AP2S1: variants seen among roughly 807,000 people sequenced by gnomAD.
The protein encoded by AP2S1 is AP-2 complex subunit sigma.
In AP2S1, 6 loss-of-function variants were observed where a neutral mutation model predicts 21.0. That is an observed-to-expected ratio of 0.29 (90% confidence interval 0.16 to 0.56). The LOEUF (loss-of-function observed/expected upper bound fraction) is 0.56. Ranked by LOEUF, AP2S1 falls within the 20% of genes least tolerant of loss-of-function variation. AP2S1 has a pLI of 0.92. For missense variants in AP2S1, 60 were observed against 186.2 expected (o/e 0.32, Z 3.95); for synonymous variants, 63 against 74.6 (o/e 0.84, Z 0.80).
intron 2 of AP2S1, among the ~76,000 whole-genome samples, chr19:46,845,381 G>A (rs772813645): frequency 6.6e-6 from 1 of 151,838 alleles, no homozygotes; most frequent in African/African-American, 2.4e-5. Flanking sequence ...ACTCCAGCCT[G>A]GGTGACAGAG....
In AP2S1 at chr19:46,838,685, T is replaced by C. The variant is rs532162280; in HGVS notation, c.327+55A>G. ...CTCCGGGTGGCTAGTGCACCACGGGTCCCCCCCGTCCCCCTCCTCTGGCTC... is the reference window on the plus strand; with the variant it reads ...CTCCGGGTGGCTAGTGCACCACGGGCCCCCCCCGTCCCCCTCCTCTGGCTC... On this transcript the variant is annotated intron_variant, in intron 4 of 4. Transcript: ENST00000263270. This position sits in a 1 kb window ranked among gnomAD's most constrained non-coding sequence, Gnocchi z 4.1. The C allele has an allele frequency of 1.7e-4, 271 of 1,596,368 alleles. 1 individual carries two copies. The South Asian group carries it at 2.6e-3, about 15-fold the overall frequency.
chr19:46,844,599 A>G (rs2055586977), intron 2 of AP2S1, among the ~76,000 whole-genome samples: 1 of 151,688 alleles, frequency 6.6e-6, no homozygotes, highest in African/African-American at 2.4e-5. Flanking sequence ...AGAGTTTGAG[A>G]CCAGCCTGGG....
Position 46,839,572 on chromosome 19 carries a change from T to A in AP2S1, c.160A>T (p.Asn54Tyr). 1 of 1,614,050 alleles carries A rather than the reference T, an allele frequency of 6.2e-7. No homozygotes were observed. Among genetic ancestry groups the A allele is most frequent in the South Asian group, 1.1e-5 (1 of 91,072 alleles). The change falls in exon 3 of 5, where the codon AAC becomes TAC. Residue 54 changes from asparagine (N) to tyrosine (Y), a missense_variant. Transcript: ENST00000263270. ...TAGCGGCGGTAAATGATCTTAAAGT[T>A]CCGGAACTGCAGAACAGAGAGGCTG... ...AKHTNFVEFR[N>Y]FKIIYRRYAG...
chr19:46,838,577 C>G lies in AP2S1; in HGVS notation c.328-29G>C. 1 of 1,612,304 alleles carries G rather than the reference C, an allele frequency of 6.2e-7. No homozygotes were observed. Among genetic ancestry groups the G allele is most frequent in the African/African-American group, 1.3e-5 (1 of 75,026 alleles). Reference sequence around the variant, plus strand: ...TGTGAGGGGAGACCCTGGGGTGAGACGAGGCCCCCCAGGATGCTGGCCCGG... The same window carrying G: ...TGTGAGGGGAGACCCTGGGGTGAGAGGAGGCCCCCCAGGATGCTGGCCCGG... On this transcript the variant is annotated intron_variant, in intron 4 of 4. Coordinates refer to ENST00000263270, the MANE Select transcript of AP2S1 (RefSeq NM_004069.6). This position sits in a 1 kb window ranked among gnomAD's most constrained non-coding sequence, Gnocchi z 4.1.
At chr19:46,850,186 C>T in intron 1 of AP2S1, 4 of 1,232,548 alleles carry the variant, frequency 3.2e-6, no homozygotes, top group Non-Finnish European at 4.0e-6. Context: ...AAGTTTCATT[C>T]CCTACAGTTG....
chr19:46,841,870 G>A (rs906778884), intron 2 of AP2S1, among the ~76,000 whole-genome samples: 21 of 152,230 alleles, frequency 1.4e-4, no homozygotes, highest in African/African-American at 4.6e-4. Flanking sequence ...AAAGGAAAGC[G>A]GGAGGCGGGA....
chr19:46,845,030 G>C (rs936032488), intron 2 of AP2S1, among the ~76,000 whole-genome samples: 1 of 150,742 alleles, frequency 6.6e-6, no homozygotes, highest in Non-Finnish European at 1.5e-5. Context: ...GAACCCTGGA[G>C]GAGGTTGCAG....
chr19:46,840,567 G>C (rs1381503170), intron 2 of AP2S1, among the ~76,000 whole-genome samples: 1 of 151,724 alleles, frequency 6.6e-6, no homozygotes, highest in Admixed American at 6.6e-5. Context: ...CTGAGCCTGG[G>C]AGGTCAAAGC....
intron 3 of AP2S1, among the ~76,000 whole-genome samples, 179 bp downstream of exon 3, chr19:46,839,286 C>CAAAAAAAAAAAAA (rs771792607): frequency 3.7e-4 from 27 of 72,922 alleles, no homozygotes; most frequent in African/African-American, 1.1e-3. Context: ...GACTCCGTCT[C>CAAAAAAAAAAAAA]AAAAAAAAAA....
chr19:46,838,660 C>A lies in AP2S1; in HGVS notation c.327+80G>T. The A allele has an allele frequency of 6.4e-7, 1 of 1,570,786 alleles. No homozygotes were observed. Among genetic ancestry groups the A allele is most frequent in the Non-Finnish European group, 8.8e-7 (1 of 1,142,484 alleles). On this transcript the variant is annotated intron_variant, in intron 4 of 4. Coordinates refer to ENST00000263270, the MANE Select transcript of AP2S1 (RefSeq NM_004069.6). The surrounding 1 kb of genome is among the most constrained non-coding windows in gnomAD (Gnocchi z 4.1). ...GCTGGGACACAGACCTCAGCAGAGG[C>A]TCCGGGTGGCTAGTGCACCACGGGT... is the stretch of plus-strand genomic sequence containing the variant.
rs544013509 is a variant in AP2S1 at position 46,840,501 on chromosome 19, A to G, written c.154-923T>C. ...ACAAAAGTACAAAACTTAGCTGGGTATGGTGGCGTGTACCTGTGGTCCCAG... is the reference window on the plus strand; with the variant it reads ...ACAAAAGTACAAAACTTAGCTGGGTGTGGTGGCGTGTACCTGTGGTCCCAG... On this transcript the variant is annotated intron_variant, in intron 2 of 4. Transcript: ENST00000263270. Among the ~76,000 whole-genome samples the G allele has an allele frequency of 3.1e-3, 467 of 151,740 alleles. 2 individuals are homozygous for G. The highest frequency in any genetic ancestry group is 4.8e-3 in the Non-Finnish European group (323 of 67,928).
chr19:46,845,583 TTC>T (rs746213417), intron 2 of AP2S1: 29 of 161,256 alleles, frequency 1.8e-4, no homozygotes, highest in Non-Finnish European at 2.9e-4. Context: ...ACCTGGCCTA[TTC>T]TCTCTACTTT....
intron 2 of AP2S1, 97 bp downstream of exon 2, chr19:46,845,896 G>A: frequency 1.3e-6 from 2 of 1,511,892 alleles, no homozygotes; most frequent in South Asian, 1.2e-5. Flanking sequence ...GATGGATAGA[G>A]GGTCCAAGGG....
At chr19:46,850,299 A>T (rs1599778644) in intron 1 of AP2S1, 3 of 1,236,914 alleles carry the variant, frequency 2.4e-6, no homozygotes, top group Non-Finnish European at 3.0e-6. Context: ...CTGCAATCAG[A>T]TCCTTGTCTC....
At chr19:46,839,696 C>A in intron 2 of AP2S1, 118 bp from the exon 3 acceptor site, 1 of 1,509,582 alleles carries the variant, frequency 6.6e-7, no homozygotes, top group Middle Eastern at 1.8e-4. Flanking sequence ...CAGCTCTGTG[C>A]CTGGCCCTGT....
intron 2 of AP2S1, 56 bp from the exon 3 acceptor site, chr19:46,839,634 C>T (rs769724212): frequency 3.8e-5 from 61 of 1,612,026 alleles, no homozygotes; most frequent in Non-Finnish European, 5.1e-5. Context: ...ACGTGCCAGA[C>T]AGAGTGGGGC....
At chr19:46,850,324 A>G in intron 1 of AP2S1, 2 of 1,241,742 alleles carry the variant, frequency 1.6e-6, no homozygotes, top group South Asian at 3.6e-5. Context: ...GACTCCTCCC[A>G]TCAAGAAAAC....
At chr19:46,840,710 A>G (rs1408625635) in intron 2 of AP2S1, among the ~76,000 whole-genome samples, 3 of 145,056 alleles carry the variant, frequency 2.1e-5, no homozygotes, top group Non-Finnish European at 4.5e-5. Flanking sequence ...TGCCAGCATC[A>G]GTCTTCGGCA....
intron 1 of AP2S1, 96 bp from the exon 2 acceptor site, chr19:46,846,238 T>C: frequency 2.0e-6 from 3 of 1,493,770 alleles, no homozygotes; most frequent in Non-Finnish European, 2.7e-6. Context: ...AGAGGGGAGA[T>C]AGGGCTCAGG....
Sources: gnomAD v4.1 joint callset for allele counts (sites outside exome capture counted in the v4.1 genomes callset) on GRCh38, gnomAD v4.1.1 for gene constraint, Gnocchi (gnomAD v3.1) non-coding constraint, MANE v1.5 for transcripts, NCBI Gene and HGNC (gene_info 2026-07-23, HGNC 2026-07-21) for gene names.